CFAP47: variants seen among roughly 807,000 people sequenced by gnomAD.
CFAP47 encodes cilia- and flagella-associated protein 47.
A neutral mutation model predicts 148.1 loss-of-function variants in CFAP47; 29 were observed. That is an observed-to-expected ratio of 0.20 (90% CI 0.15 to 0.27). CFAP47 has a LOEUF of 0.27. Among genes scored for constraint, CFAP47 ranks in the 10% least tolerant of loss-of-function variants. The pLI is 1.00. For missense variants in CFAP47, 1,872 were observed against 1,697.5 expected, an observed-to-expected ratio of 1.10 and a Z score of -1.81; for synonymous variants, 664 against 577.3, an observed-to-expected ratio of 1.15 and a Z score of -2.15.
chrX:36,291,757 ACT>A (rs1941195601), intron 51 of CFAP47, among the ~76,000 whole-genome samples: 1 of 111,181 alleles, frequency 9.0e-6, no homozygotes, highest in African/African-American at 3.3e-5. Flanking sequence ...CGTGACAAAC[ACT>A]CTTCAAAATG....
intron 2 of CFAP47, among the ~76,000 whole-genome samples, chrX:35,938,681 C>T (rs73197107): frequency 9.0e-6 from 1 of 111,191 alleles, no homozygotes; most frequent in Non-Finnish European, 1.9e-5. Flanking sequence ...GAAGTTGTCT[C>T]CATAATGAGT....
intron 27 of CFAP47, among the ~76,000 whole-genome samples, 170 bp downstream of exon 27, chrX:36,065,913 T>C (rs1937634204): frequency 8.9e-6 from 1 of 112,198 alleles, no homozygotes; most frequent in South Asian, 3.7e-4. Context: ...ATTCCAAAAG[T>C]TGACGATCTA....
chrX:36,256,585 C>T (rs1940755489), intron 49 of CFAP47, among the ~76,000 whole-genome samples: 1 of 111,448 alleles, frequency 9.0e-6, no homozygotes, highest in South Asian at 3.8e-4. Context: ...ATCAGCTTAG[C>T]TTTTTTTCAG....
intron 33 of CFAP47, among the ~76,000 whole-genome samples, chrX:36,123,192 G>T (rs942793940): frequency 8.9e-6 from 1 of 112,107 alleles, no homozygotes; most frequent in Admixed American, 9.4e-5. Context: ...TGAAGCTAAG[G>T]GTGTAGTGAC....
rs73197131 is a variant in CFAP47 at position 36,135,719 on chromosome X, T to C, written c.5321-2239T>C. On this transcript the variant is annotated intron_variant, in intron 33 of 63. Transcript: ENST00000378653. ...TTGGGGGTGATCACACTTTTCTTTA[T>C]GGAAATGTGATGGCAGGTACGTGAA... Among the ~76,000 whole-genome samples the C allele has an allele frequency of 5.1e-3, 568 of 111,958 alleles. 3 individuals are homozygous for C. Among genetic ancestry groups the C allele is most frequent in the Non-Finnish European group, 8.3e-3 (441 of 53,051 alleles).
At chrX:36,351,686 G>C (rs781994893) in intron 59 of CFAP47, among the ~76,000 whole-genome samples, 1 of 111,770 alleles carries the variant, frequency 8.9e-6, no homozygotes, top group African/African-American at 3.2e-5. Flanking sequence ...TAAATTAAAC[G>C]TGAGTTCTGT....
At chrX:36,019,822 C>G (rs1206492455) in intron 22 of CFAP47, among the ~76,000 whole-genome samples, 3 of 111,908 alleles carry the variant, frequency 2.7e-5, no homozygotes, top group Non-Finnish European at 5.6e-5. Flanking sequence ...TGGATCTTCT[C>G]TCTTGTTTTT....
chrX:36,133,073 A>G (rs1239345808), intron 33 of CFAP47, among the ~76,000 whole-genome samples: 3 of 111,598 alleles, frequency 2.7e-5, no homozygotes, highest in Non-Finnish European at 3.8e-5. Flanking sequence ...GCTAGACGCC[A>G]TTAAGAATAG....
chrX:36,038,201 G>C (rs895540932), intron 24 of CFAP47, among the ~76,000 whole-genome samples: 1 of 112,012 alleles, frequency 8.9e-6, no homozygotes, highest in Admixed American at 9.5e-5. Context: ...GTCATTTTCT[G>C]CTCTGAAGAT....
At position 36,319,204 on chromosome X, in the gene CFAP47, A is replaced by T. The variant is rs1013207450; in HGVS notation, c.8345-5A>T. 2.0e-6 allele frequency: 2 copies of T among 1,019,711 alleles called. No individual in the cohort carries two copies. The highest frequency in any genetic ancestry group is 2.6e-6 in the Non-Finnish European group (2 of 755,644). 84.0% of individuals were successfully genotyped at this position (1,019,711 alleles called of 1,213,427 possible). ...AAGTGTAATATCTCTTTATTTTTTA[A>T]TTAGGTGTGGAACATCCCAGGAATC... On this transcript the variant is annotated splice_polypyrimidine_tract_variant and splice_region_variant and intron_variant, in intron 56 of 63. Coordinates refer to ENST00000378653, the MANE Select transcript of CFAP47 (RefSeq NM_001304548.2).
chrX:36,191,470 C>T (rs1438734742), intron 42 of CFAP47, among the ~76,000 whole-genome samples: 5 of 111,575 alleles, frequency 4.5e-5, no homozygotes, highest in Admixed American at 1.9e-4. Flanking sequence ...TCAGAGAAAA[C>T]ATTAAAATAA....
intron 3 of CFAP47, among the ~76,000 whole-genome samples, chrX:35,946,466 C>A (rs1435699496): frequency 2.7e-5 from 3 of 111,104 alleles, no homozygotes; most frequent in Non-Finnish European, 5.7e-5. Flanking sequence ...AATTTATATA[C>A]CTTTTTTTCT....
chrX:36,160,633 T>C (rs764369342), intron 38 of CFAP47, 48 bp from the exon 39 acceptor site: 3 of 286,972 alleles, frequency 1.0e-5, no homozygotes, highest in East Asian at 9.9e-5. Flanking sequence ...TTCAGAAAGT[T>C]CATTTTTTGT....
chrX:36,215,051 C>T (rs6629054), intron 45 of CFAP47, among the ~76,000 whole-genome samples: 13,764 of 110,563 alleles, frequency 0.12, 681 homozygotes, highest in East Asian at 0.26. Flanking sequence ...CACTTGGCAG[C>T]TCAGTAGGTT....
At position 35,953,764 on chromosome X, in the gene CFAP47, A is replaced by T. The variant is rs1032390036; in HGVS notation, c.1174+45A>T. On this transcript the variant is annotated intron_variant, in intron 7 of 63. Transcript: ENST00000378653. ...AATTATCAAATCCGTAGCCATTTAA[A>T]TTGTTTAAAAATTTGAACATGAATA... 6.7e-6 allele frequency: 7 copies of T among 1,044,595 alleles called. No individual in the cohort carries two copies. The South Asian group carries it at 1.6e-4, about 24-fold the overall frequency. 86.1% of individuals were successfully genotyped at this position (1,044,595 alleles called of 1,213,427 possible). A position where few individuals can be genotyped will look rare whatever the true frequency, so the allele number is the denominator to read the frequency against.
intron 21 of CFAP47, among the ~76,000 whole-genome samples, chrX:36,003,067 G>A (rs1024667825): frequency 4.5e-5 from 5 of 110,969 alleles, no homozygotes; most frequent in African/African-American, 1.6e-4. Flanking sequence ...TATAAGGTTA[G>A]CAACAGTTAT....
At chrX:36,269,695 G>A (rs781958858) in intron 49 of CFAP47, among the ~76,000 whole-genome samples, 1 of 111,963 alleles carries the variant, frequency 8.9e-6, no homozygotes, top group Admixed American at 9.5e-5. Flanking sequence ...GATACTTAAT[G>A]TATAGATTTT....
intron 49 of CFAP47, among the ~76,000 whole-genome samples, chrX:36,262,660 A>G (rs1940843213): frequency 8.9e-6 from 1 of 112,521 alleles, no homozygotes; most frequent in Admixed American, 9.4e-5. Context: ...TATTGTGAAC[A>G]GTGCTACAAC....
chrX:36,222,390 G>T (rs1228247527), intron 45 of CFAP47, among the ~76,000 whole-genome samples: 1 of 105,225 alleles, frequency 9.5e-6, no homozygotes, highest in Admixed American at 1.0e-4. Flanking sequence ...TATCCCCTAA[G>T]TATTATATTA....
Sources: allele counts gnomAD v4.1 joint callset (sites outside exome capture counted in the v4.1 genomes callset), GRCh38; gene constraint gnomAD v4.1.1; transcripts MANE v1.5; gene names NCBI Gene and HGNC (gene_info 2026-07-23, HGNC 2026-07-21).